The following FAM184A variants were observed in gnomAD, a reference collection of about 807,000 sequenced individuals.
The protein encoded by FAM184A is protein FAM184A.
FAM184A carries 99 observed loss-of-function variants against 143.8 expected under a neutral mutation model. That is an observed-to-expected ratio of 0.69 (90% CI 0.58 to 0.81). The LOEUF (loss-of-function observed/expected upper bound fraction) is 0.81. Ranked by LOEUF, FAM184A falls within the 40% of genes least tolerant of loss-of-function variation. The pLI, the probability that FAM184A is intolerant of heterozygous loss-of-function variation, is 0.00. For synonymous variants in FAM184A, 427 were observed against 446.4 expected (o/e 0.96, Z 0.55); for missense variants, 1,217 against 1,310.5 (o/e 0.93, Z 1.10).
At chr6:119,013,649 C>T (rs1174261266) in intron 5 of FAM184A, among the ~76,000 whole-genome samples, 2 of 152,196 alleles carry the variant, frequency 1.3e-5, no homozygotes, top group Non-Finnish European at 2.9e-5. Flanking sequence ...TGAGAAATAA[C>T]ATGTCATTAA....
chr6:119,139,621 G>C (rs9372523), intron 1 of FAM184A, among the ~76,000 whole-genome samples: 1 of 146,744 alleles, frequency 6.8e-6, no homozygotes, highest in African/African-American at 2.6e-5. Context: ...AGTATTATAC[G>C]TTCTCATAAT....
Position 118,961,683 on chromosome 6 carries a change from G to T in FAM184A, c.3341+78C>A. 3.5e-6 allele frequency: 4 copies of T among 1,158,472 alleles called. No homozygotes were observed. In the South Asian group the frequency reaches 5.6e-5, roughly 16 times the overall value. The allele number at this position is 1,158,472 out of a possible 1,614,324, so 71.8% of individuals were successfully genotyped here. On this transcript the variant is annotated intron_variant, in intron 17 of 17. Transcript: ENST00000338891. Reference sequence around the variant, plus strand: ...TTTTTCTTAGGTTGTTCTTAAAGTAGTGATTTCTGCAATGTAAGAAGGTAA... The same window carrying T: ...TTTTTCTTAGGTTGTTCTTAAAGTATTGATTTCTGCAATGTAAGAAGGTAA...
chr6:119,018,239 A>C (rs1785331001), intron 4 of FAM184A, among the ~76,000 whole-genome samples: 1 of 152,242 alleles, frequency 6.6e-6, no homozygotes, highest in Non-Finnish European at 1.5e-5. Flanking sequence ...AAAGACAGAG[A>C]CAGAGAGATA....
chr6:118,961,867 T>G lies in FAM184A; in HGVS notation c.3235A>C (p.Asn1079His). ...GAATTAGGAATGGGATCCAGGCGGT[T>G]AGGATGTCCATTGCCCACTCCACCA... ...ESGGVGNGHP[N>H]RLDPIPNSPV... Residue 1079 changes from asparagine (N) to histidine (H), a missense_variant, in exon 17 of 18, where the codon AAC becomes CAC. Physicochemically the swap from Asn to His is moderately conservative, Grantham distance 68. Transcript: ENST00000338891. 1 of 1,613,930 alleles carries G rather than the reference T, an allele frequency of 6.2e-7. No individual in the cohort carries two copies. Among genetic ancestry groups the G allele is most frequent in the Non-Finnish European group, 8.5e-7 (1 of 1,179,870 alleles).
intron 1 of FAM184A, among the ~76,000 whole-genome samples, chr6:119,039,345 T>C (rs2114723888): frequency 6.6e-6 from 1 of 152,374 alleles, no homozygotes; most frequent in Non-Finnish European, 1.5e-5. Flanking sequence ...CAGATGTTTA[T>C]AGCAGCTTTA....
chr6:119,057,577 A>C (rs1787033406), intron 1 of FAM184A, among the ~76,000 whole-genome samples: 1 of 151,968 alleles, frequency 6.6e-6, no homozygotes, highest in African/African-American at 2.4e-5. Flanking sequence ...CCAACTGTAC[A>C]AAAAAATTTT....
chr6:119,002,802 T>A, intron 9 of FAM184A, 97 bp downstream of exon 9: 1 of 1,130,164 alleles, frequency 8.8e-7, no homozygotes. Context: ...CCATGAAAAA[T>A]AACAAAATTC....
intron 1 of FAM184A, among the ~76,000 whole-genome samples, chr6:119,133,923 C>T (rs1158908091): frequency 1.3e-5 from 2 of 151,534 alleles, no homozygotes; most frequent in Non-Finnish European, 2.9e-5. Flanking sequence ...CTCAAGTGAT[C>T]TTCCTGCTTT....
chr6:118,975,893 A>T (rs1783829560), intron 12 of FAM184A, 24 bp downstream of exon 12: 2 of 1,599,130 alleles, frequency 1.3e-6, no homozygotes, highest in East Asian at 4.5e-5. Context: ...AGAAATCATC[A>T]GAGTACAGAA....
At chr6:118,978,445 C>A in intron 11 of FAM184A, among the ~76,000 whole-genome samples, 1 of 152,178 alleles carries the variant, frequency 6.6e-6, no homozygotes. Flanking sequence ...AAAGACAGGG[C>A]AGTAGTTCAT....
intron 6 of FAM184A, chr6:119,009,573 T>A (rs1785029478): frequency 6.5e-6 from 1 of 152,802 alleles, no homozygotes; most frequent in South Asian, 2.1e-4. Flanking sequence ...AATTAACCAG[T>A]CTTAGGTATG....
intron 9 of FAM184A, among the ~76,000 whole-genome samples, chr6:118,988,917 G>GA (rs200688660): frequency 4.0e-5 from 6 of 149,086 alleles, no homozygotes; most frequent in Non-Finnish European, 7.4e-5. Context: ...AATTTAAATG[G>GA]AAAAATTGCT....
chr6:119,110,041 C>T (rs1397655143), intron 1 of FAM184A, among the ~76,000 whole-genome samples: 1 of 152,190 alleles, frequency 6.6e-6, no homozygotes, highest in Non-Finnish European at 1.5e-5. Context: ...CGCTGCTTCA[C>T]CTAACATAAG....
intron 1 of FAM184A, among the ~76,000 whole-genome samples, chr6:119,070,806 T>G (rs1787657035): frequency 1.3e-5 from 2 of 152,102 alleles, no homozygotes; most frequent in African/African-American, 2.4e-5. Flanking sequence ...AGAAACTTCC[T>G]GTGGTGAATA....
At position 119,116,635 on chromosome 6, in the gene FAM184A, T is replaced by C. The variant is rs7762942; in HGVS notation, c.-202+32443A>G. On this transcript the variant is annotated intron_variant, in intron 1 of 16. Transcript: ENST00000352896. ...AATCAATAAAAACATTACAAGGCGA[T>C]AAATGTCCACAGTGCTGTGCAAGTC... is the stretch of plus-strand genomic sequence containing the variant. Among the ~76,000 whole-genome samples the C allele has an allele frequency of 3.9e-3, 591 of 152,252 alleles. 6 individuals are homozygous for C. The highest frequency in any genetic ancestry group is 0.014 in the African/African-American group (571 of 41,544).
chr6:118,974,125 T>G (rs544621771), intron 14 of FAM184A, among the ~76,000 whole-genome samples: 5 of 152,254 alleles, frequency 3.3e-5, no homozygotes, highest in South Asian at 2.1e-4. Context: ...TTACTTAACA[T>G]TATATATAGC....
At chr6:119,072,401 T>C (rs146459786) in intron 1 of FAM184A, among the ~76,000 whole-genome samples, 49 of 152,352 alleles carry the variant, frequency 3.2e-4, no homozygotes, top group Middle Eastern at 3.4e-3. Flanking sequence ...AGTGCTAAGG[T>C]GAAACACAGC....
At chr6:118,976,936 A>C (rs1783864067) in intron 11 of FAM184A, among the ~76,000 whole-genome samples, 1 of 152,208 alleles carries the variant, frequency 6.6e-6, no homozygotes, top group Non-Finnish European at 1.5e-5. Context: ...AATTTATATG[A>C]TGCTAGTAGG....
At chr6:119,043,426 C>CTACTCATAGTCTCTTT (rs1356793594) in intron 1 of FAM184A, among the ~76,000 whole-genome samples, 1 of 152,176 alleles carries the variant, frequency 6.6e-6, no homozygotes, top group East Asian at 1.9e-4. Flanking sequence ...TCAAGTTTGC[C>CTACTCATAGTCTCTTT]TACTCATAGT....
Sources: gnomAD v4.1 joint callset for allele counts (sites outside exome capture counted in the v4.1 genomes callset) on GRCh38, gnomAD v4.1.1 for gene constraint, MANE v1.5 for transcripts, NCBI Gene and HGNC (gene_info 2026-07-23, HGNC 2026-07-21) for gene names.